Variants in KCNB2 observed in about 807,000 individuals in gnomAD.
The protein encoded by KCNB2 is potassium voltage-gated channel subfamily B member 2.
A neutral mutation model predicts 61.5 loss-of-function variants in KCNB2; 15 were observed. The observed-to-expected ratio is 0.24, with a 90% CI of 0.16 to 0.38. KCNB2 has a LOEUF of 0.38. KCNB2 is among the 10% of genes least tolerant of loss of function. KCNB2 has a pLI of 1.00. For synonymous variants in KCNB2, 457 were observed against 446.0 expected, an observed-to-expected ratio of 1.02 and a Z score of -0.31; for missense variants, 828 against 1,125.2, an observed-to-expected ratio of 0.74 and a Z score of 3.78.
chr8:72,654,417 G>A, intron 2 of KCNB2, among the ~76,000 whole-genome samples: 1 of 152,134 alleles, frequency 6.6e-6, no homozygotes, highest in East Asian at 1.9e-4. Context: ...CATCATTTTT[G>A]TATCCCCACA....
At chr8:72,609,368 G>A (rs1044423497) in intron 2 of KCNB2, among the ~76,000 whole-genome samples, 2 of 152,270 alleles carry the variant, frequency 1.3e-5, no homozygotes, top group African/African-American at 4.8e-5. Context: ...CAAGCTTTAT[G>A]TGATTCATAA....
At chr8:72,925,860 G>T (rs2129008599) in intron 2 of KCNB2, among the ~76,000 whole-genome samples, 1 of 152,292 alleles carries the variant, frequency 6.6e-6, no homozygotes, top group South Asian at 2.1e-4. Flanking sequence ...CATCAATGGT[G>T]ATAGACTGGA....
intron 2 of KCNB2, among the ~76,000 whole-genome samples, chr8:72,635,257 A>G (rs540896521): frequency 6.6e-6 from 1 of 152,334 alleles, no homozygotes; most frequent in South Asian, 2.1e-4. Flanking sequence ...TCCTGAAGGT[A>G]GACAGAGGCA....
chr8:72,573,197 T>A (rs1303323711), intron 2 of KCNB2, among the ~76,000 whole-genome samples: 3 of 152,174 alleles, frequency 2.0e-5, no homozygotes, highest in Non-Finnish European at 2.9e-5. Context: ...TCCTGTGTAC[T>A]TATCAAGGAA....
intron 2 of KCNB2, among the ~76,000 whole-genome samples, chr8:72,706,077 C>T (rs1440911506): frequency 3.3e-5 from 5 of 152,268 alleles, no homozygotes; most frequent in Non-Finnish European, 5.9e-5. Context: ...TGGCAAACAG[C>T]GACTCCCAGA....
At chr8:72,606,729 A>G (rs1264374813) in intron 2 of KCNB2, among the ~76,000 whole-genome samples, 1 of 152,210 alleles carries the variant, frequency 6.6e-6, no homozygotes, top group African/African-American at 2.4e-5. Context: ...CCCACGGGGA[A>G]AAAGACCCAA....
intron 2 of KCNB2, among the ~76,000 whole-genome samples, chr8:72,577,783 G>C (rs1445040608): frequency 6.6e-6 from 1 of 152,132 alleles, no homozygotes; most frequent in Non-Finnish European, 1.5e-5. Context: ...GGTTTGCTTG[G>C]TTGCAGCATC....
intron 2 of KCNB2, among the ~76,000 whole-genome samples, chr8:72,649,705 A>C (rs1806185369): frequency 6.6e-6 from 1 of 152,158 alleles, no homozygotes; most frequent in Admixed American, 6.6e-5. Flanking sequence ...TATTATGAGA[A>C]ATATCCTAGC....
intron 2 of KCNB2, among the ~76,000 whole-genome samples, chr8:72,696,595 G>A (rs1278263529): frequency 6.6e-6 from 1 of 152,142 alleles, no homozygotes; most frequent in Non-Finnish European, 1.5e-5. Context: ...GATGGGAAAG[G>A]TATAGTGGAA....
intron 2 of KCNB2, among the ~76,000 whole-genome samples, chr8:72,626,485 T>C (rs1805791520): frequency 6.6e-6 from 1 of 152,252 alleles, no homozygotes; most frequent in Non-Finnish European, 1.5e-5. Context: ...TCTATTGCAG[T>C]GTACAGAAGG....
rs973689240 is a variant in KCNB2 at position 72,547,978 on chromosome 8, G to A, written c.-94+10093G>A. On this transcript the variant is annotated intron_variant, in intron 1 of 2. Coordinates refer to ENST00000523207, the MANE Select transcript of KCNB2 (RefSeq NM_004770.3). ...AGAAATTGCCACAGCCACCCAAATC[G>A]TCAGCAGCTACCACTGAGATCAGTC... Among the ~76,000 whole-genome samples, 17 of 152,100 alleles carry A rather than the reference G, an allele frequency of 1.1e-4. No homozygotes were observed. The East Asian group carries it at 1.2e-3, about 10-fold the overall frequency.
intron 2 of KCNB2, among the ~76,000 whole-genome samples, chr8:72,634,790 AAGAT>A (rs1404685195): frequency 1.3e-5 from 2 of 152,204 alleles, no homozygotes; most frequent in African/African-American, 4.8e-5. Flanking sequence ...TTAGCATAAG[AAGAT>A]AATTTCTTTA....
chr8:72,738,581 A>C (rs774050548), intron 2 of KCNB2, among the ~76,000 whole-genome samples: 45 of 152,190 alleles, frequency 3.0e-4, no homozygotes, highest in Non-Finnish European at 6.0e-4. Flanking sequence ...ATGCCAATGC[A>C]TTAATGTGGG....
At chr8:72,934,679 CTGAAACCAA>C (rs1293094610) in intron 2 of KCNB2, among the ~76,000 whole-genome samples, 1 of 152,114 alleles carries the variant, frequency 6.6e-6, no homozygotes, top group Non-Finnish European at 1.5e-5. Flanking sequence ...CATATGATAA[CTGAAACCAA>C]TGACACCTCC....
At chr8:72,589,018 G>A (rs1234585031) in intron 2 of KCNB2, among the ~76,000 whole-genome samples, 1 of 152,168 alleles carries the variant, frequency 6.6e-6, no homozygotes, top group East Asian at 1.9e-4. Context: ...CTGAATCACT[G>A]TGCACACTGC....
intron 2 of KCNB2, among the ~76,000 whole-genome samples, chr8:72,848,140 T>C (rs980923929): frequency 6.6e-6 from 1 of 152,188 alleles, no homozygotes; most frequent in African/African-American, 2.4e-5. Context: ...TGAGGCCCAA[T>C]TTGCATTTGG....
chr8:72,701,000 C>T (rs1807114560), intron 2 of KCNB2, among the ~76,000 whole-genome samples: 1 of 152,092 alleles, frequency 6.6e-6, no homozygotes, highest in African/African-American at 2.4e-5. Context: ...CACATGTTCT[C>T]ACTGATAAGT....
chr8:72,665,486 C>CAT (rs369206092), intron 2 of KCNB2, among the ~76,000 whole-genome samples: 195 of 151,056 alleles, frequency 1.3e-3, no homozygotes, highest in African/African-American at 3.9e-3. Context: ...TTAGAACATC[C>CAT]ATATATATAT....
chr8:72,702,908 C>T (rs891137263), intron 2 of KCNB2, among the ~76,000 whole-genome samples: 7 of 152,166 alleles, frequency 4.6e-5, no homozygotes, highest in African/African-American at 1.4e-4. Context: ...CATGTCTTTC[C>T]ATCTGCTTTC....
Sources: allele counts gnomAD v4.1 joint callset (sites outside exome capture counted in the v4.1 genomes callset), GRCh38; gene constraint gnomAD v4.1.1; transcripts MANE v1.5; gene names NCBI Gene and HGNC (gene_info 2026-07-23, HGNC 2026-07-21).